GRIA4: variants seen among roughly 807,000 people sequenced by gnomAD.
GRIA4 encodes the protein glutamate receptor 4.
GRIA4 carries 34 observed loss-of-function variants against 104.0 expected under a neutral mutation model. That is an observed-to-expected ratio of 0.33 (90% confidence interval 0.25 to 0.44). The LOEUF is 0.44. Ranked by LOEUF, GRIA4 falls within the 20% of genes least tolerant of loss-of-function variation. GRIA4 has a pLI of 1.00. For missense variants in GRIA4, 750 were observed against 1,096.5 expected (o/e 0.68, Z 4.46); for synonymous variants, 386 against 381.9 (o/e 1.01, Z -0.13).
At chr11:105,920,234 T>C (rs879429738) in intron 11 of GRIA4, among the ~76,000 whole-genome samples, 1 of 152,140 alleles carries the variant, frequency 6.6e-6, no homozygotes, top group Non-Finnish European at 1.5e-5. Flanking sequence ...GTTTAAAAAA[T>C]AGCAAAATGT....
At chr11:105,752,768 C>A (rs552483702) in intron 3 of GRIA4, among the ~76,000 whole-genome samples, 1 of 152,148 alleles carries the variant, frequency 6.6e-6, no homozygotes, top group Admixed American at 6.5e-5. Context: ...TTCAGACCAG[C>A]TTCACTCAAT....
chr11:105,900,870 G>A (rs1240445935), intron 7 of GRIA4, among the ~76,000 whole-genome samples: 2 of 152,160 alleles, frequency 1.3e-5, no homozygotes, highest in Non-Finnish European at 2.9e-5. Context: ...GAGCCACTGC[G>A]CCTGGCCCAG....
At position 105,674,424 on chromosome 11, in the gene GRIA4, C is replaced by T. The variant is rs567117113; in HGVS notation, c.247+61990C>T. 1.5e-4 allele frequency among the ~76,000 whole-genome samples: 23 copies of T among 151,248 alleles called. No individual in the cohort carries two copies. The South Asian group carries it at 4.6e-3, about 30-fold the overall frequency. Reference sequence around the variant, plus strand: ...CTACTAGATGATCTAGAAACATATCCGCCTCAGGATGATTTTTGTATTGGC... The same window carrying T: ...CTACTAGATGATCTAGAAACATATCTGCCTCAGGATGATTTTTGTATTGGC... On this transcript the variant is annotated intron_variant, in intron 3 of 16. Transcript: ENST00000282499.
At chr11:105,615,925 T>G (rs1591442164) in intron 3 of GRIA4, among the ~76,000 whole-genome samples, 1 of 151,884 alleles carries the variant, frequency 6.6e-6, no homozygotes, top group East Asian at 1.9e-4. Flanking sequence ...TCATTTTGAT[T>G]GTTAGTTTAA....
chr11:105,764,906 T>G (rs1166367541), intron 4 of GRIA4, among the ~76,000 whole-genome samples: 1 of 152,024 alleles, frequency 6.6e-6, no homozygotes, highest in Non-Finnish European at 1.5e-5. Context: ...GGGAACAAGG[T>G]AGATTTACCC....
chr11:105,746,160 C>T (rs1373066081), intron 3 of GRIA4, among the ~76,000 whole-genome samples: 2 of 151,590 alleles, frequency 1.3e-5, no homozygotes, highest in Non-Finnish European at 2.9e-5. Flanking sequence ...GGAAAAAAGA[C>T]AAGTAATTGT....
At chr11:105,807,219 T>C (rs886673950) in intron 4 of GRIA4, among the ~76,000 whole-genome samples, 2 of 151,948 alleles carry the variant, frequency 1.3e-5, no homozygotes, top group East Asian at 3.9e-4. Context: ...AATGATCTAA[T>C]ACAAACAATG....
In GRIA4 at chr11:105,899,981, A is replaced by G. The variant is rs567890335; in HGVS notation, c.885+1554A>G. ...AGTGAAATCATCAGCAAAAAGCACA[A>G]AACTGCAGAAAACATGGCACTAAAT... On this transcript the variant is annotated intron_variant, in intron 7 of 16. Coordinates refer to ENST00000282499, the MANE Select transcript of GRIA4 (RefSeq NM_000829.4). Among the ~76,000 whole-genome samples, 12 of 152,276 alleles carry G rather than the reference A, an allele frequency of 7.9e-5. No homozygotes were observed. The South Asian group carries it at 2.5e-3, about 32-fold the overall frequency.
intron 3 of GRIA4, among the ~76,000 whole-genome samples, chr11:105,695,857 T>G (rs149434318): frequency 1.2e-4 from 19 of 152,312 alleles, no homozygotes; most frequent in African/African-American, 4.6e-4. Context: ...TTCTCTCAGC[T>G]ATTGACATCT....
At chr11:105,883,895 A>G (rs912863155) in intron 5 of GRIA4, among the ~76,000 whole-genome samples, 11 of 152,152 alleles carry the variant, frequency 7.2e-5, no homozygotes, top group Admixed American at 1.3e-4. Context: ...TCCCACCAAC[A>G]GTGTAAAAGT....
intron 14 of GRIA4, among the ~76,000 whole-genome samples, chr11:105,949,805 A>G (rs969492463): frequency 6.6e-6 from 1 of 152,220 alleles, no homozygotes; most frequent in African/African-American, 2.4e-5. Context: ...AGTTAGGACT[A>G]TAAGGAAACT....
chr11:105,913,254 A>G (rs1435030367), intron 10 of GRIA4: 2 of 420,050 alleles, frequency 4.8e-6, no homozygotes, highest in Non-Finnish European at 6.4e-6. Context: ...ATTAAGAATT[A>G]TATTAGCTAT....
At chr11:105,941,024 C>A (rs907918048) in intron 14 of GRIA4, among the ~76,000 whole-genome samples, 1 of 152,124 alleles carries the variant, frequency 6.6e-6, no homozygotes, top group South Asian at 2.1e-4. Flanking sequence ...TCTGAGATAA[C>A]TGACACAAAT....
At chr11:105,805,894 G>C (rs1364545587) in intron 4 of GRIA4, among the ~76,000 whole-genome samples, 1 of 151,748 alleles carries the variant, frequency 6.6e-6, no homozygotes, top group East Asian at 1.9e-4. Flanking sequence ...TGGAAACGAA[G>C]GGCTTGACTC....
chr11:105,966,115 A>AT lies in GRIA4; in HGVS notation c.2295-5798dup, dbSNP rs528051123. 1.8e-3 allele frequency: 2,187 copies of AT among 1,219,410 alleles called. 3 individuals are homozygous for AT. Among genetic ancestry groups the AT allele is most frequent in the Non-Finnish European group, 2.5e-3 (2,058 of 824,582 alleles). 75.5% of individuals were successfully genotyped at this position (1,219,410 alleles called of 1,614,324 possible). A position where few individuals can be genotyped will look rare whatever the true frequency, so the allele number is the denominator to read the frequency against. On this transcript the variant is annotated intron_variant, in intron 14 of 16. Transcript: ENST00000282499. The stretch of plus-strand genomic sequence containing the variant: ...AAACAGTATGTAAAGTAATAGGTGC[A>AT]TCTGCTGGGAGACTTATGGTTTGGA...
chr11:105,761,986 G>A (rs779709162), intron 4 of GRIA4, among the ~76,000 whole-genome samples: 16 of 151,946 alleles, frequency 1.1e-4, no homozygotes, highest in Non-Finnish European at 1.6e-4. Flanking sequence ...CCATGTGTGA[G>A]CACATACACA....
At chr11:105,937,081 G>A (rs1333249924) in intron 14 of GRIA4, among the ~76,000 whole-genome samples, 1 of 152,052 alleles carries the variant, frequency 6.6e-6, no homozygotes, top group Non-Finnish European at 1.5e-5. Context: ...CAGTGCCATG[G>A]TTTTCTTTCT....
chr11:105,902,719 T>C (rs559549386), intron 7 of GRIA4, among the ~76,000 whole-genome samples: 1 of 152,314 alleles, frequency 6.6e-6, no homozygotes, highest in African/African-American at 2.4e-5. Flanking sequence ...CTCCACTTTC[T>C]ACAGCACAAA....
chr11:105,697,718 TG>T (rs916685217), intron 3 of GRIA4, among the ~76,000 whole-genome samples: 1 of 151,804 alleles, frequency 6.6e-6, no homozygotes, highest in East Asian at 1.9e-4. Flanking sequence ...TGTTTAAGAG[TG>T]GGGGGAGGGG....
Sources: allele counts gnomAD v4.1 joint callset (sites outside exome capture counted in the v4.1 genomes callset), GRCh38; gene constraint gnomAD v4.1.1; transcripts MANE v1.5; gene names NCBI Gene and HGNC (gene_info 2026-07-23, HGNC 2026-07-21).